Variants in RAD54L2 observed in about 807,000 individuals in gnomAD.
The protein encoded by RAD54L2 is helicase ARIP4.
Under a neutral mutation model 138.4 loss-of-function variants are expected in RAD54L2, and 27 were observed. The observed-to-expected ratio is 0.20, with a 90% CI of 0.14 to 0.27. RAD54L2 has a LOEUF of 0.27. RAD54L2 is among the 10% of genes least tolerant of loss of function. The probability of loss-of-function intolerance (pLI) is 1.00; values close to 1 mark genes in which losing one functional copy is unlikely to be tolerated. For synonymous variants in RAD54L2, 644 were observed against 723.2 expected, an observed-to-expected ratio of 0.89 and a Z score of 1.76; for missense variants, 1,396 against 1,890.2, an observed-to-expected ratio of 0.74 and a Z score of 4.85.
chr3:51,608,582 C>T (rs187779352), intron 3 of RAD54L2, among the ~76,000 whole-genome samples: 3 of 152,214 alleles, frequency 2.0e-5, no homozygotes, highest in Non-Finnish European at 4.4e-5. Context: ...CCCGGCACCT[C>T]GGGAGGCTGA....
At chr3:51,543,658 T>C (rs1698614625) in intron 2 of RAD54L2, among the ~76,000 whole-genome samples, 1 of 150,554 alleles carries the variant, frequency 6.6e-6, no homozygotes, top group Non-Finnish European at 1.5e-5. Context: ...GTCTCTAACA[T>C]CTAGACCCTG....
rs1559660888 is a variant in RAD54L2, at chr3:51,663,060, G to A, written c.4044G>A (p.Val1348=). Residue 1348 remains valine (V), a synonymous_variant, in exon 23 of 23, where the codon GTG becomes GTA. Coordinates refer to ENST00000684192, the MANE Select transcript of RAD54L2 (RefSeq NM_015106.4). ...LVFPVTTDPL[V]PAGPVSSSST... is the part of the protein sequence containing the mutation. ...TTCCAGTGACTACTGACCCTCTGGTGCCAGCAGGCCCCGTCAGTTCCTCTT... is the reference window on the plus strand; with the variant it reads ...TTCCAGTGACTACTGACCCTCTGGTACCAGCAGGCCCCGTCAGTTCCTCTT... 4.3e-6 allele frequency: 7 copies of A among 1,613,970 alleles called. No individual in the cohort carries two copies. Among genetic ancestry groups the A allele is most frequent in the East Asian group, 2.2e-5 (1 of 44,880 alleles).
rs1559650991 is a variant in RAD54L2, at chr3:51,645,861, A to G, written c.2829+98A>G. On this transcript the variant is annotated intron_variant, in intron 18 of 22. Coordinates refer to ENST00000684192, the MANE Select transcript of RAD54L2 (RefSeq NM_015106.4). The surrounding 1 kb of genome is among the most constrained non-coding windows in gnomAD (Gnocchi z 6.1). ...TTTTCTTCATCTGAGGTGATGTTTCATGCAGGTGACTTGGACTCAAGGACT... is the reference window on the plus strand; with the variant it reads ...TTTTCTTCATCTGAGGTGATGTTTCGTGCAGGTGACTTGGACTCAAGGACT... 18 of 1,296,322 alleles carry G rather than the reference A, an allele frequency of 1.4e-5. No individual in the cohort carries two copies. Among genetic ancestry groups the G allele is most frequent in the Non-Finnish European group, 9.4e-6 (9 of 957,780 alleles). The allele number at this position is 1,296,322 out of a possible 1,614,324, so 80.3% of individuals were successfully genotyped here.
At chr3:51,579,882 G>T (rs986256072) in intron 2 of RAD54L2, among the ~76,000 whole-genome samples, 1 of 152,164 alleles carries the variant, frequency 6.6e-6, no homozygotes, top group African/African-American at 2.4e-5. Flanking sequence ...TTTGCAGATA[G>T]AAACTTTTTA....
intron 3 of RAD54L2, among the ~76,000 whole-genome samples, chr3:51,610,714 C>A (rs1458838153): frequency 6.6e-6 from 1 of 151,902 alleles, no homozygotes; most frequent in East Asian, 1.9e-4. Context: ...ATAAAGATTC[C>A]TTTTGCTCCT....
intron 2 of RAD54L2, among the ~76,000 whole-genome samples, chr3:51,561,566 CTTT>C (rs1331227331): frequency 7.0e-6 from 1 of 143,878 alleles, no homozygotes. Flanking sequence ...TTATCTTTTT[CTTT>C]TTTTTTTTTT....
At chr3:51,578,501 G>T (rs1445414356) in intron 2 of RAD54L2, among the ~76,000 whole-genome samples, 1 of 152,188 alleles carries the variant, frequency 6.6e-6, no homozygotes, top group African/African-American at 2.4e-5. Context: ...ATTTTGAACT[G>T]CTCAGATCAC....
At position 51,638,171 on chromosome 3, in the gene RAD54L2, T is replaced by G; in HGVS notation, c.1710T>G (p.His570Gln). 2 of 1,613,958 alleles carry G rather than the reference T, an allele frequency of 1.2e-6. No homozygotes were observed. Among genetic ancestry groups the G allele is most frequent in the Middle Eastern group, 1.6e-4 (1 of 6,062 alleles). ...GAGGCCACACTGTGCTGAAGATTCA[T>G]CTCCCTGCCAAGGAAGAAAATGTGA... ...QRRGHTVLKI[H>Q]LPAKEENVIL... Residue 570 changes from histidine (H) to glutamine (Q), a missense_variant, in exon 12 of 23, where the codon CAT becomes CAG. This residue lies in a region of RAD54L2 where 211 missense variants were observed against 273.8 expected (regional missense o/e 0.77). Coordinates refer to ENST00000684192, the MANE Select transcript of RAD54L2 (RefSeq NM_015106.4). The surrounding 1 kb of genome is among the most constrained non-coding windows in gnomAD (Gnocchi z 4.3).
At chr3:51,613,475 A>C (rs982651208) in intron 3 of RAD54L2, among the ~76,000 whole-genome samples, 2 of 152,124 alleles carry the variant, frequency 1.3e-5, no homozygotes, top group Non-Finnish European at 2.9e-5. Context: ...AAGATGGTTA[A>C]AAAGGCATGT....
chr3:51,664,169 A>G lies in RAD54L2; in HGVS notation c.*749A>G, dbSNP rs1022815689. The G allele has an allele frequency of 1.2e-4, 18 of 152,196 alleles. No homozygotes were observed. Among genetic ancestry groups the G allele is most frequent in the African/African-American group, 4.1e-4 (17 of 41,438 alleles). The allele number at this position is 152,196 out of a possible 1,614,324, so 9.4% of individuals were successfully genotyped here. A position where few individuals can be genotyped will look rare whatever the true frequency, so the allele number is the denominator to read the frequency against. On this transcript the variant is annotated 3_prime_UTR_variant, in exon 23 of 23. Coordinates refer to ENST00000684192, the MANE Select transcript of RAD54L2 (RefSeq NM_015106.4). ...CAAGTTTCCTTCGGGATGGGTGAAG[A>G]GAAGGCCCAGCTAACTCAAGTCCCT...
In RAD54L2 at chr3:51,656,095, A is replaced by C. The variant is rs201175331; in HGVS notation, c.3151A>C (p.Asn1051His). 1.3e-5 allele frequency: 21 copies of C among 1,613,902 alleles called. No individual in the cohort carries two copies. The highest frequency in any genetic ancestry group is 1.7e-5 in the Non-Finnish European group (20 of 1,179,912). Residue 1051 changes from asparagine (N) to histidine (H), a missense_variant, in exon 20 of 23, where the codon AAT becomes CAT. This residue lies in a region of RAD54L2 where 634 missense variants were observed against 711.2 expected (regional missense o/e 0.89). Coordinates refer to ENST00000684192, the MANE Select transcript of RAD54L2 (RefSeq NM_015106.4). ...GGSVSSASST[N>H]PSMNFPINYL... The stretch of plus-strand genomic sequence containing the variant: ...AAGTGTAAGCTCTGCCTCCAGCACA[A>C]ATCCATCCATGAACTTTCCCATCAA...
chr3:51,594,860 CTTTTTTTTTTTT>C (rs71278623), intron 3 of RAD54L2, among the ~76,000 whole-genome samples: 472 of 33,582 alleles, frequency 0.014, 6 homozygotes, highest in Middle Eastern at 0.11. Flanking sequence ...TTGATGGGCG[CTTTTTTTTTTTT>C]TTTTTTTTTT....
Position 51,662,967 on chromosome 3 carries a change from C to T in RAD54L2, c.3951C>T (p.Ser1317=), listed in dbSNP as rs757944014. ...TPFTSQAGEN[S]LFMGSTPSYY... Reference sequence around the variant, plus strand: ...TCACCTCCCAGGCTGGGGAGAACTCCCTGTTTATGGGCAGTACCCCCTCCT... The same window carrying T: ...TCACCTCCCAGGCTGGGGAGAACTCTCTGTTTATGGGCAGTACCCCCTCCT... Residue 1317 remains serine, a synonymous_variant, in exon 23 of 23, where the codon TCC becomes TCT. Transcript: ENST00000684192. The surrounding 1 kb of genome is among the most constrained non-coding windows in gnomAD (Gnocchi z 4.6). 6.2e-7 allele frequency: 1 copy of T among 1,613,986 alleles called. No homozygotes were observed. Among genetic ancestry groups the T allele is most frequent in the Non-Finnish European group, 8.5e-7 (1 of 1,179,882 alleles).
intron 22 of RAD54L2, among the ~76,000 whole-genome samples, chr3:51,661,900 T>G (rs1701786224): frequency 6.6e-6 from 1 of 152,202 alleles, no homozygotes; most frequent in African/African-American, 2.4e-5. Context: ...TTAAAGATAT[T>G]CTGTTCCTAG....
At chr3:51,641,951 C>T in intron 15 of RAD54L2, 84 bp downstream of exon 15, 1 of 961,200 alleles carries the variant, frequency 1.0e-6, no homozygotes, top group Non-Finnish European at 1.6e-6. Context: ...TCTCTTTCTC[C>T]ACTCCATCAA....
intron 3 of RAD54L2, among the ~76,000 whole-genome samples, chr3:51,626,832 A>G (rs1472004594): frequency 6.6e-6 from 1 of 152,082 alleles, no homozygotes; most frequent in Non-Finnish European, 1.5e-5. Flanking sequence ...TAGTTCCTTC[A>G]TGATCATTAC....
chr3:51,594,066 C>CTTTTTTTTTTTTTT (rs904101025), intron 3 of RAD54L2, among the ~76,000 whole-genome samples: 152 of 105,132 alleles, frequency 1.4e-3, no homozygotes, highest in Non-Finnish European at 1.8e-3. Context: ...TTTTCTTTTT[C>CTTTTTTTTTTTTTT]TTTTTTTTTT....
chr3:51,561,455 G>GGCT (rs927274222), intron 2 of RAD54L2, among the ~76,000 whole-genome samples: 22 of 152,178 alleles, frequency 1.4e-4, no homozygotes, highest in Non-Finnish European at 5.9e-5. Context: ...ATGGTGGCCA[G>GGCT]GCTGCTCTTG....
At chr3:51,553,295 C>T (rs1172927083) in intron 2 of RAD54L2, among the ~76,000 whole-genome samples, 1 of 152,098 alleles carries the variant, frequency 6.6e-6, no homozygotes, top group African/African-American at 2.4e-5. Context: ...CCAGGATGGT[C>T]TCGATTTCTT....
Sources: allele counts gnomAD v4.1 joint callset (sites outside exome capture counted in the v4.1 genomes callset), GRCh38; gene constraint gnomAD v4.1.1; regional missense constraint gnomAD v4.1.1; non-coding constraint Gnocchi (gnomAD v3.1); transcripts MANE v1.5; gene names NCBI Gene and HGNC (gene_info 2026-07-23, HGNC 2026-07-21).